Variants in ARHGDIG observed in about 807,000 individuals in gnomAD.
ARHGDIG encodes rho GDP-dissociation inhibitor 3.
In ARHGDIG, 14 loss-of-function variants were observed where a neutral mutation model predicts 20.2. That is an observed-to-expected ratio of 0.69 (90% CI 0.46 to 1.08). ARHGDIG has a LOEUF of 1.08. Ranked by LOEUF, ARHGDIG falls within the 50% of genes least tolerant of loss-of-function variation. The probability of loss-of-function intolerance (pLI) is 0.00; values close to 1 mark genes in which losing one functional copy is unlikely to be tolerated. For missense variants in ARHGDIG, 311 were observed against 301.8 expected (o/e 1.03, Z -0.23); for synonymous variants, 193 against 138.6 (o/e 1.39, Z -2.76).
Position 281,742 on chromosome 16 carries a change from C to G in ARHGDIG, c.74-4C>G, listed in dbSNP as rs960856262. ...CTGCTGCTCACGCCCCTCCCCACCC[C>G]CAGTCCTCCTGGCTGACAAGGAGGG... On this transcript the variant is annotated splice_region_variant and splice_polypyrimidine_tract_variant and intron_variant, in intron 1 of 5. Transcript: ENST00000219409. 2.5e-6 allele frequency: 4 copies of G among 1,577,748 alleles called. No homozygotes were observed. In the South Asian group the frequency reaches 3.4e-5, roughly 13 times the overall value.
chr16:281,979 C>T, intron 2 of ARHGDIG, 46 bp from the exon 3 acceptor site: 6 of 1,217,602 alleles, frequency 4.9e-6, no homozygotes, highest in Non-Finnish European at 7.1e-6. Context: ...GGTGAGGAGC[C>T]TGGTGGGGGT....
At chr16:282,567 G>GGGCCGGGGGGGGGGGGGGC in intron 5 of ARHGDIG, 37 bp downstream of exon 5, 5 of 957,180 alleles carry the variant, frequency 5.2e-6, no homozygotes, top group Non-Finnish European at 7.6e-6. Context: ...GCGGGGGGGG[G>GGGCCGGGGGGGGGGGGGGC]AAGCGGGGGC....
At chr16:281,545 C>T in intron 1 of ARHGDIG, 2 of 576,266 alleles carry the variant, frequency 3.5e-6, no homozygotes, top group South Asian at 2.6e-5. Context: ...CTCTGGAGGC[C>T]CCTCCTGAAG....
chr16:282,490 C>T lies in ARHGDIG; in HGVS notation c.438C>T (p.Gly146=), dbSNP rs1358382263. The T allele has an allele frequency of 3.1e-6, 5 of 1,610,506 alleles. No individual in the cohort carries two copies. In the Admixed American group the frequency reaches 5.0e-5, roughly 16 times the overall value. The part of the protein sequence containing the change: ...SFKVHREIVS[G]LKCLHHTYRR... ...AGGTCCACAGGGAGATTGTCAGCGG[C>T]CTCAAGTGTCTGCACCACACCTACC... The change falls in exon 5 of 6, where the codon GGC becomes GGT. Residue 146 remains glycine (G), a synonymous_variant. Transcript: ENST00000219409.
chr16:282,288 C>T lies in ARHGDIG; in HGVS notation c.338-9C>T, dbSNP rs2052294247. ...GGAGTTCCGACCCTAGCTGAGGTTT[C>T]CCCAATAGGGGACCTGGCTGTTCTG... is the stretch of plus-strand genomic sequence containing the variant. On this transcript the variant is annotated splice_polypyrimidine_tract_variant and intron_variant, in intron 3 of 5. Coordinates refer to ENST00000219409, the MANE Select transcript of ARHGDIG (RefSeq NM_001176.4). 3 of 1,613,092 alleles carry T rather than the reference C, an allele frequency of 1.9e-6. No individual in the cohort carries two copies. Among genetic ancestry groups the T allele is most frequent in the Non-Finnish European group, 2.5e-6 (3 of 1,179,960 alleles).
chr16:281,613 CCT>C, intron 1 of ARHGDIG, 131 bp from the exon 2 acceptor site: 1 of 1,108,160 alleles, frequency 9.0e-7, no homozygotes, highest in Non-Finnish European at 1.3e-6. Context: ...TCGCTCTCTC[CCT>C]GAGCCCCCAG....
chr16:281,795 G>C lies in ARHGDIG; in HGVS notation c.123G>C (p.Leu41Phe). 1 of 1,611,268 alleles carries C rather than the reference G, an allele frequency of 6.2e-7. No homozygotes were observed. Among genetic ancestry groups the C allele is most frequent in the Non-Finnish European group, 8.5e-7 (1 of 1,179,388 alleles). The change falls in exon 2 of 6, where the codon TTG (leucine) becomes TTC (phenylalanine). Residue 41 changes from leucine (L) to phenylalanine (F), a missense_variant. Coordinates refer to ENST00000219409, the MANE Select transcript of ARHGDIG (RefSeq NM_001176.4). ...GGCCGCCGGCAGTGGACGAGGTGTT[G>C]GATGAGGCTGTGCCCGAGTACCGGG... ...EGGPPAVDEV[L>F]DEAVPEYRAP... is the part of the protein sequence containing the mutation.
In ARHGDIG at chr16:282,931, CCCCTGCTCT is replaced by C; in HGVS notation, c.*118_*126del. 1 of 1,141,328 alleles carries C rather than the reference CCCCTGCTCT, an allele frequency of 8.8e-7. No individual in the cohort carries two copies. Among genetic ancestry groups the C allele is most frequent in the Non-Finnish European group, 1.2e-6 (1 of 846,580 alleles). 70.7% of individuals were successfully genotyped at this position (1,141,328 alleles called of 1,614,324 possible). On this transcript the variant is annotated 3_prime_UTR_variant, in exon 6 of 6. Transcript: ENST00000219409. The stretch of plus-strand genomic sequence containing the variant: ...CCTGCTGCCCCTGCTGCCCCTGCTG[CCCCTGCTCT>C]GTCCCGGGACCCCCTGGCCTGGCGC...
Position 282,977 on chromosome 16 carries a change from C to A in ARHGDIG, c.*163C>A, listed in dbSNP as rs548342598. On this transcript the variant is annotated 3_prime_UTR_variant, in exon 6 of 6. Coordinates refer to ENST00000219409, the MANE Select transcript of ARHGDIG (RefSeq NM_001176.4). ...CCCTGGCCTGGCGCTGTCCCCTGAG[C>A]TGTCCCATTAAACATGGCCCTGTCT... is the stretch of plus-strand genomic sequence containing the variant. The A allele has an allele frequency of 2.7e-5, 25 of 920,012 alleles. No individual in the cohort carries two copies. The East Asian group carries it at 6.6e-4, about 24-fold the overall frequency. 57.0% of individuals were successfully genotyped at this position (920,012 alleles called of 1,614,324 possible). A position where few individuals can be genotyped will look rare whatever the true frequency, so the allele number is the denominator to read the frequency against.
At position 282,603 on chromosome 16, in the gene ARHGDIG, C is replaced by A; in HGVS notation, c.479-12C>A. 6.3e-7 allele frequency: 1 copy of A among 1,584,910 alleles called. No homozygotes were observed. ...AGACAGAGGACAGCTCTGATGCCCT[C>A]GCCCTCCCTAGTGGACAAGACCGTC... On this transcript the variant is annotated splice_polypyrimidine_tract_variant and intron_variant, in intron 5 of 5. Transcript: ENST00000219409.
At chr16:282,153 C>T (rs1056424527) in intron 3 of ARHGDIG, 45 bp downstream of exon 3, 2 of 1,610,910 alleles carry the variant, frequency 1.2e-6, no homozygotes, top group Non-Finnish European at 1.7e-6. Context: ...AGGGCCCTCC[C>T]AGGCACGCTT....
chr16:280,680 C>T lies in ARHGDIG; in HGVS notation c.-1C>T. On this transcript the variant is annotated 5_prime_UTR_variant, in exon 1 of 6. Transcript: ENST00000219409. This position sits in a 1 kb window ranked among gnomAD's most constrained non-coding sequence, Gnocchi z 6.6. ...CCGCGGCGCCCGGGCCGCGCGCCGC[C>T]ATGCTGGGCCTGGACGCGTGCGAGC... 1 of 1,109,494 alleles carries T rather than the reference C, an allele frequency of 9.0e-7. No individual in the cohort carries two copies. Among genetic ancestry groups the T allele is most frequent in the Non-Finnish European group, 1.1e-6 (1 of 909,688 alleles). The allele number at this position is 1,109,494 out of a possible 1,614,324, so 68.7% of individuals were successfully genotyped here.
In ARHGDIG at chr16:282,562, G is replaced by T. The variant is rs750455744; in HGVS notation, c.478+32G>T. 1.6e-5 allele frequency: 25 copies of T among 1,544,302 alleles called. 1 individual carries two copies. In the African/African-American group the frequency reaches 1.6e-4, roughly 10 times the overall value. On this transcript the variant is annotated intron_variant, in intron 5 of 5. Coordinates refer to ENST00000219409, the MANE Select transcript of ARHGDIG (RefSeq NM_001176.4). ...GCAGCGGTGGGGGGAACGGGGCGGG[G>T]GGGGGAAGCGGGGGCAGACAGAGGA...
intron 1 of ARHGDIG, chr16:281,543 GC>G (rs1160655995): frequency 7.0e-6 from 4 of 569,760 alleles, no homozygotes; most frequent in African/African-American, 1.9e-5. Flanking sequence ...GTCTCTGGAG[GC>G]CCCTCCTGAA....
chr16:282,360 A>G lies in ARHGDIG; in HGVS notation c.401A>G (p.Lys134Arg), dbSNP rs1180524598. The change falls in exon 4 of 6, where the codon AAG (lysine) becomes AGG (arginine). Residue 134 changes from lysine (K) to arginine (R), a missense_variant. By Grantham distance (26) the Lys-to-Arg change is conservative. Coordinates refer to ENST00000219409, the MANE Select transcript of ARHGDIG (RefSeq NM_001176.4). ...AAGGAAGGTGTTGATTACAGAGTGA[A>G]GATCTCCTTCAAGGTGAGAGCCGGG... ...VLKEGVDYRV[K>R]ISFKVHREIV... 2 of 1,611,164 alleles carry G rather than the reference A, an allele frequency of 1.2e-6. No homozygotes were observed. Among genetic ancestry groups the G allele is most frequent in the South Asian group, 2.2e-5 (2 of 90,950 alleles).
Position 283,005 on chromosome 16 carries a change from C to G in ARHGDIG, c.*191C>G, listed in dbSNP as rs2141445700. Reference sequence around the variant, plus strand: ...TCCCATTAAACATGGCCCTGTCTCTCTCGGTGCCCTGGGTGTCGTCTCTTT... The same window carrying G: ...TCCCATTAAACATGGCCCTGTCTCTGTCGGTGCCCTGGGTGTCGTCTCTTT... On this transcript the variant is annotated 3_prime_UTR_variant, in exon 6 of 6. Coordinates refer to ENST00000219409, the MANE Select transcript of ARHGDIG (RefSeq NM_001176.4). 1 of 847,562 alleles carries G rather than the reference C, an allele frequency of 1.2e-6. No homozygotes were observed. Among genetic ancestry groups the G allele is most frequent in the Non-Finnish European group, 1.7e-6 (1 of 579,576 alleles). The allele number at this position is 847,562 out of a possible 1,614,324, so 52.5% of individuals were successfully genotyped here.
At chr16:282,558 C>CGGGGGGGGGGGGGGAAGGGGGG (rs61572786) in intron 5 of ARHGDIG, 28 bp downstream of exon 5, 2 of 1,295,646 alleles carry the variant, frequency 1.5e-6, no homozygotes, top group Non-Finnish European at 2.0e-6. Context: ...GGGAACGGGG[C>CGGGGGGGGGGGGGGAAGGGGGG]GGGGGGGGGA....
chr16:280,752 A>G lies in ARHGDIG; in HGVS notation c.72A>G (p.Arg24=). The G allele has an allele frequency of 7.8e-7, 1 of 1,281,726 alleles. No individual in the cohort carries two copies. The highest frequency in any genetic ancestry group is 9.9e-7 in the Non-Finnish European group (1 of 1,011,858). The allele number at this position is 1,281,726 out of a possible 1,614,324, so 79.4% of individuals were successfully genotyped here. A position where few individuals can be genotyped will look rare whatever the true frequency, so the allele number is the denominator to read the frequency against. ...LELLRLALCA[R]VLLADKEGGP... ...TGCTCCGGCTGGCGCTGTGCGCCCG[A>G]GGTGAGCGGGCCGGGCAGGGGCGGG... is the stretch of plus-strand genomic sequence containing the variant. Residue 24 remains arginine, a splice_region_variant and synonymous_variant, in exon 1 of 6, where the codon CGA becomes CGG. Transcript: ENST00000219409. This position sits in a 1 kb window ranked among gnomAD's most constrained non-coding sequence, Gnocchi z 6.6.
chr16:282,869 G>A lies in ARHGDIG; in HGVS notation c.*55G>A. On this transcript the variant is annotated 3_prime_UTR_variant, in exon 6 of 6. Coordinates refer to ENST00000219409, the MANE Select transcript of ARHGDIG (RefSeq NM_001176.4). ...TCAGTTGTTGCACAGGGACCCCCAA[G>A]CATCCCCAGCACCCCCCGTGAGTGA... The A allele has an allele frequency of 1.3e-6, 2 of 1,494,600 alleles. No individual in the cohort carries two copies. Among genetic ancestry groups the A allele is most frequent in the Non-Finnish European group, 1.8e-6 (2 of 1,119,672 alleles). The allele number at this position is 1,494,600 out of a possible 1,614,324, so 92.6% of individuals were successfully genotyped here. A position where few individuals can be genotyped will look rare whatever the true frequency, so the allele number is the denominator to read the frequency against.
Sources: allele counts gnomAD v4.1 joint callset, GRCh38; gene constraint gnomAD v4.1.1; non-coding constraint Gnocchi (gnomAD v3.1); transcripts MANE v1.5; gene names NCBI Gene and HGNC (gene_info 2026-07-23, HGNC 2026-07-21).